Variants in PCGF3 observed in about 807,000 individuals in gnomAD.
PCGF3 encodes the protein polycomb group RING finger protein 3.
A neutral mutation model predicts 33.1 loss-of-function variants in PCGF3; 7 were observed. The observed-to-expected ratio is 0.21, with a 90% CI of 0.12 to 0.40. The LOEUF is 0.40. Ranked by LOEUF, PCGF3 falls within the 10% of genes least tolerant of loss-of-function variation. The pLI is 1.00. For missense variants in PCGF3, 211 were observed against 313.3 expected (o/e 0.67, Z 2.46); for synonymous variants, 153 against 121.3 (o/e 1.26, Z -1.72).
In PCGF3 at chr4:738,299, A is replaced by G. The variant is rs140984814; in HGVS notation, c.262+778A>G. ...TTTAATGCGTGACCCAGAGAATCAT[A>G]CTGTTAGAGGCTTCTTCCCTACTCA... On this transcript the variant is annotated intron_variant, in intron 6 of 10. Coordinates refer to ENST00000362003, the Ensembl canonical transcript of PCGF3. Among the ~76,000 whole-genome samples, 408 of 152,376 alleles carry G rather than the reference A, an allele frequency of 2.7e-3. 3 individuals carry two copies. The highest frequency in any genetic ancestry group is 9.4e-3 in the African/African-American group (391 of 41,590).
chr4:715,343 C>T (rs1353977219), intron 1 of PCGF3, among the ~76,000 whole-genome samples: 7 of 128,028 alleles, frequency 5.5e-5, no homozygotes, highest in Admixed American at 1.6e-4. Flanking sequence ...AACTGGGCGT[C>T]GGTGCTGGGA....
rs767696547 is a variant in PCGF3, at chr4:761,249, C to T, written c.463-30C>T. ...AGAACCGTCCGGGGGAACCCTCCTG[C>T]TGCGCTCTCACCAGCGTCCTTTCCC... On this transcript the variant is annotated intron_variant, in intron 8 of 10. Transcript: ENST00000362003. 10 of 1,548,254 alleles carry T rather than the reference C, an allele frequency of 6.5e-6. 1 individual carries two copies. The highest frequency in any genetic ancestry group is 2.3e-5 in the East Asian group (1 of 43,016).
At chr4:755,276 C>A (rs966409417) in intron 8 of PCGF3, among the ~76,000 whole-genome samples, 1 of 152,234 alleles carries the variant, frequency 6.6e-6, no homozygotes, top group African/African-American at 2.4e-5. Context: ...TCCCCCTGGG[C>A]AGGTGTGTTC....
intron 9 of PCGF3, chr4:761,986 C>A: frequency 1.0e-6 from 1 of 985,310 alleles, no homozygotes; most frequent in Non-Finnish European, 1.2e-6. Context: ...ATCGCTCAGG[C>A]TGTGCAGAAA....
intron 9 of PCGF3, 77 bp downstream of exon 9, chr4:761,493 A>C (rs1745055565): frequency 6.9e-7 from 1 of 1,459,232 alleles, no homozygotes; most frequent in Non-Finnish European, 9.2e-7. Context: ...TTCTTTGCTT[A>C]GTTTTGTTTT....
At chr4:764,474 G>A (rs960215067) in intron 9 of PCGF3, 1 of 153,646 alleles carries the variant, frequency 6.5e-6, no homozygotes, top group African/African-American at 2.4e-5. Flanking sequence ...TCGGCCCTAT[G>A]GGCCTCTCAG....
At chr4:727,650 G>A (rs1043293037) in intron 1 of PCGF3, among the ~76,000 whole-genome samples, 1 of 152,112 alleles carries the variant, frequency 6.6e-6, no homozygotes, top group African/African-American at 2.4e-5. Flanking sequence ...GTCATAAATT[G>A]TATCTTTTTC....
At chr4:732,665 A>T (rs909350439) in intron 3 of PCGF3, among the ~76,000 whole-genome samples, 2 of 151,996 alleles carry the variant, frequency 1.3e-5, no homozygotes, top group African/African-American at 4.8e-5. Flanking sequence ...AGAGAGCTCC[A>T]GGCTGGGCCT....
At chr4:734,667 C>T (rs1743755841) in intron 4 of PCGF3, 1 of 1,298,634 alleles carries the variant, frequency 7.7e-7, no homozygotes, top group Admixed American at 3.6e-5. Context: ...AGCATCATCT[C>T]CCCATTCTAA....
chr4:738,271 G>A (rs1219242093), intron 6 of PCGF3, among the ~76,000 whole-genome samples: 3 of 152,218 alleles, frequency 2.0e-5, no homozygotes, highest in Admixed American at 6.5e-5. Context: ...ACCGTATCTC[G>A]CCTTTAATGC....
intron 1 of PCGF3, among the ~76,000 whole-genome samples, chr4:730,115 G>A (rs1743490174): frequency 6.6e-6 from 1 of 152,106 alleles, no homozygotes; most frequent in African/African-American, 2.4e-5. Context: ...CAGGCTCAGT[G>A]CCCACGCCGG....
At chr4:735,866 A>T (rs79713586) in intron 5 of PCGF3, among the ~76,000 whole-genome samples, 10,089 of 152,272 alleles carry the variant, frequency 0.066, 519 homozygotes, top group South Asian at 0.16. Flanking sequence ...CCAAGGGGCC[A>T]GCCAGGTGGA....
intron 1 of PCGF3, among the ~76,000 whole-genome samples, chr4:726,553 T>C (rs1743341166): frequency 6.6e-6 from 1 of 152,328 alleles, no homozygotes; most frequent in East Asian, 1.9e-4. Context: ...ACTTTGTCAT[T>C]TCCTTCATGG....
chr4:741,359 G>A (rs779485918), intron 6 of PCGF3, among the ~76,000 whole-genome samples: 1 of 152,232 alleles, frequency 6.6e-6, no homozygotes, highest in African/African-American at 2.4e-5. Flanking sequence ...AGGCTGGACT[G>A]CCGCAGCTCA....
intron 1 of PCGF3, among the ~76,000 whole-genome samples, chr4:717,945 GA>G: frequency 6.6e-6 from 1 of 152,344 alleles, no homozygotes; most frequent in East Asian, 1.9e-4. Flanking sequence ...GTGTGTTCGG[GA>G]ATCCCGTGGG....
intron 10 of PCGF3, among the ~76,000 whole-genome samples, chr4:765,393 A>G (rs974717917): frequency 6.6e-6 from 1 of 151,822 alleles, no homozygotes; most frequent in Non-Finnish European, 1.5e-5. Flanking sequence ...AGATCGTGCC[A>G]CTGCACTCCA....
At position 720,655 on chromosome 4, in the gene PCGF3, C is replaced by T. The variant is rs957417319; in HGVS notation, c.-189-9975C>T. On this transcript the variant is annotated intron_variant, in intron 1 of 10. Coordinates refer to ENST00000362003, the Ensembl canonical transcript of PCGF3. The surrounding 1 kb of genome is among the most constrained non-coding windows in gnomAD (Gnocchi z 5.6). ...TGCGTGTGGACCCGGGGTGGACGGGCGGTGACGTGCGTGTGGACCCGGGGT... is the reference window on the plus strand; with the variant it reads ...TGCGTGTGGACCCGGGGTGGACGGGTGGTGACGTGCGTGTGGACCCGGGGT... Among the ~76,000 whole-genome samples the T allele has an allele frequency of 3.4e-5, 5 of 147,300 alleles. No individual in the cohort carries two copies. Among genetic ancestry groups the T allele is most frequent in the African/African-American group, 1.0e-4 (4 of 39,326 alleles).
chr4:737,551 G>C, intron 6 of PCGF3, 30 bp downstream of exon 6: 1 of 1,481,630 alleles, frequency 6.7e-7, no homozygotes, highest in Non-Finnish European at 9.4e-7. Flanking sequence ...GCTGATCCCT[G>C]AGGTCCCAGC....
intron 9 of PCGF3, 130 bp from the exon 10 acceptor site, chr4:764,854 C>A (rs1221574376): frequency 1.5e-6 from 1 of 645,270 alleles, no homozygotes; most frequent in Non-Finnish European, 2.8e-6. Context: ...ACCAGCCCCC[C>A]CCACCCCATC....
Sources: gnomAD v4.1 joint callset for allele counts (sites outside exome capture counted in the v4.1 genomes callset) on GRCh38, gnomAD v4.1.1 for gene constraint, Gnocchi (gnomAD v3.1) non-coding constraint, MANE v1.5 for transcripts, NCBI Gene and HGNC (gene_info 2026-07-23, HGNC 2026-07-21) for gene names.